GLRB: variants seen among roughly 807,000 people sequenced by gnomAD.
The protein encoded by GLRB is glycine receptor subunit beta.
GLRB carries 33 observed loss-of-function variants against 54.2 expected under a neutral mutation model. The observed-to-expected ratio is 0.61, with a 90% CI of 0.46 to 0.81. The LOEUF (loss-of-function observed/expected upper bound fraction) is 0.81. GLRB is among the 40% of genes least tolerant of loss of function. The probability of loss-of-function intolerance (pLI) is 0.00; values close to 1 mark genes in which losing one functional copy is unlikely to be tolerated. For synonymous variants in GLRB, 209 were observed against 208.2 expected (o/e 1.00, Z -0.03); for missense variants, 572 against 584.6 (o/e 0.98, Z 0.22).
chr4:157,158,781 G>A (rs986963403), intron 9 of GLRB, among the ~76,000 whole-genome samples: 2 of 152,098 alleles, frequency 1.3e-5, no homozygotes, highest in African/African-American at 4.8e-5. Flanking sequence ...CTCCAGCTTT[G>A]TTCTTTTTGC....
At chr4:157,125,884 G>T (rs937592067) in intron 4 of GLRB, among the ~76,000 whole-genome samples, 1 of 151,966 alleles carries the variant, frequency 6.6e-6, no homozygotes, top group African/African-American at 2.4e-5. Flanking sequence ...GGAGGTGGAG[G>T]TTGCAGTGAG....
chr4:157,109,909 T>A (rs935553486), intron 2 of GLRB, among the ~76,000 whole-genome samples: 1 of 152,016 alleles, frequency 6.6e-6, no homozygotes, highest in Non-Finnish European at 1.5e-5. Context: ...GTGCCCTCTC[T>A]GGGTACACCA....
chr4:157,076,529 G>T (rs1292543444), intron 1 of GLRB: 3 of 151,998 alleles, frequency 2.0e-5, no homozygotes, highest in African/African-American at 4.8e-5. Context: ...CCGCGGAGAC[G>T]CTCCGGGTGG....
At chr4:157,098,296 T>G (rs1734886992) in intron 2 of GLRB, among the ~76,000 whole-genome samples, 2 of 152,156 alleles carry the variant, frequency 1.3e-5, no homozygotes, top group South Asian at 4.1e-4. Flanking sequence ...TTATACTATA[T>G]TTATCGATTT....
chr4:157,104,897 A>G (rs1249560187), intron 2 of GLRB, among the ~76,000 whole-genome samples: 2 of 151,782 alleles, frequency 1.3e-5, no homozygotes, highest in South Asian at 2.1e-4. Context: ...CATCAGTTGT[A>G]ATGCCCCTTC....
chr4:157,093,042 C>G (rs184047787), intron 2 of GLRB, among the ~76,000 whole-genome samples: 1 of 152,254 alleles, frequency 6.6e-6, no homozygotes, highest in Admixed American at 6.5e-5. Context: ...TTAGTCATTA[C>G]CCTCTCCAGT....
At position 157,143,837 on chromosome 4, in the gene GLRB, C is replaced by A; in HGVS notation, c.782C>A (p.Thr261Asn). 6.2e-7 allele frequency: 1 copy of A among 1,613,692 alleles called. No individual in the cohort carries two copies. The highest frequency in any genetic ancestry group is 8.5e-7 in the Non-Finnish European group (1 of 1,179,932). The part of the protein sequence containing the change: ...GYYTCVEVIF[T>N]LRRQVGFYMM... ...TACACATGCGTGGAAGTCATCTTCA[C>A]CCTGAGGAGGCAGGTCGGCTTTTAC... The change falls in exon 8 of 10, where the codon ACC (threonine) becomes AAC (asparagine). Residue 261 changes from threonine (T) to asparagine (N), a missense_variant. Transcript: ENST00000264428.
chr4:157,165,714 T>C (rs928645568), intron 9 of GLRB, among the ~76,000 whole-genome samples: 2 of 152,038 alleles, frequency 1.3e-5, no homozygotes, highest in Non-Finnish European at 2.9e-5. Context: ...TGTATTCCTA[T>C]TTTTATTCAA....
rs772403728 is a variant in GLRB, at chr4:157,152,676, A to C, written c.905-42A>C. ...GAGTAATGACCCCAGAACATCTCATAGGGATAAAAAGCAACTTTCATTCCT... is the reference window on the plus strand; with the variant it reads ...GAGTAATGACCCCAGAACATCTCATCGGGATAAAAAGCAACTTTCATTCCT... On this transcript the variant is annotated intron_variant, in intron 8 of 9. Transcript: ENST00000264428. 5.3e-6 allele frequency: 8 copies of C among 1,508,554 alleles called. No homozygotes were observed. The African/African-American group carries it at 9.6e-5, about 18-fold the overall frequency. The allele number at this position is 1,508,554 out of a possible 1,614,324, so 93.4% of individuals were successfully genotyped here.
intron 2 of GLRB, among the ~76,000 whole-genome samples, chr4:157,098,616 CT>C (rs34690906): frequency 4.0e-5 from 6 of 150,560 alleles, no homozygotes; most frequent in East Asian, 2.0e-4. Context: ...CTTTTCTTTT[CT>C]TTTTTTTTGA....
intron 2 of GLRB, among the ~76,000 whole-genome samples, chr4:157,087,888 G>A (rs943226970): frequency 3.3e-5 from 5 of 151,862 alleles, no homozygotes. Flanking sequence ...ACCTGAAATA[G>A]ACATATCATT....
intron 2 of GLRB, among the ~76,000 whole-genome samples, chr4:157,086,200 C>T (rs116487538): frequency 0.012 from 1,772 of 152,280 alleles, 9 homozygotes; most frequent in Non-Finnish European, 0.017. Context: ...TATGCTTGGA[C>T]ATGTTTATGT....
chr4:157,094,804 C>T (rs900142078), intron 2 of GLRB, among the ~76,000 whole-genome samples: 15 of 152,178 alleles, frequency 9.9e-5, no homozygotes, highest in African/African-American at 4.8e-5. Flanking sequence ...TGTAAGCATC[C>T]GCTAAAACTG....
intron 4 of GLRB, among the ~76,000 whole-genome samples, chr4:157,133,046 A>G (rs1013015166): frequency 1.3e-5 from 2 of 151,922 alleles, no homozygotes; most frequent in African/African-American, 4.8e-5. Context: ...GAATTAGTAA[A>G]ATGTTAGCTT....
rs1344006346 is a variant in GLRB, at chr4:157,138,962, C to G, written c.751+13C>G. 7.8e-7 allele frequency: 1 copy of G among 1,288,666 alleles called. No homozygotes were observed. Among genetic ancestry groups the G allele is most frequent in the African/African-American group, 1.5e-5 (1 of 68,898 alleles). 79.8% of individuals were successfully genotyped at this position (1,288,666 alleles called of 1,614,324 possible). On this transcript the variant is annotated intron_variant, in intron 7 of 9. Transcript: ENST00000264428. ...TATAAAGGCACGGGTAAGTAATATT[C>G]TTTAAATAAAACGAAGTTCTATTTC...
rs549091121 is a variant in GLRB, at chr4:157,155,084, A to G, written c.1197+2074A>G. ...TGCTATGTTTTTCTTTCATCTTCAT[A>G]TATTCCAAGGTTATATCTCTTTTAT... On this transcript the variant is annotated intron_variant, in intron 9 of 9. Coordinates refer to ENST00000264428, the MANE Select transcript of GLRB (RefSeq NM_000824.5). Among the ~76,000 whole-genome samples, 100 of 152,228 alleles carry G rather than the reference A, an allele frequency of 6.6e-4. No individual in the cohort carries two copies. The South Asian group carries it at 0.011, about 17-fold the overall frequency.
intron 8 of GLRB, among the ~76,000 whole-genome samples, chr4:157,151,991 G>T (rs1737037847): frequency 6.6e-6 from 1 of 152,068 alleles, no homozygotes; most frequent in African/African-American, 2.4e-5. Context: ...TTGAAAATAC[G>T]AAGGAAAGGA....
At chr4:157,153,096 T>G in intron 9 of GLRB, 86 bp downstream of exon 9, 1 of 1,148,796 alleles carries the variant, frequency 8.7e-7, no homozygotes, top group Non-Finnish European at 1.3e-6. Context: ...TGTGACAAGT[T>G]TTGATGGAAT....
intron 9 of GLRB, among the ~76,000 whole-genome samples, chr4:157,156,730 A>T (rs758209690): frequency 3.3e-5 from 5 of 152,050 alleles, no homozygotes; most frequent in Non-Finnish European, 7.4e-5. Flanking sequence ...AATAATTTTT[A>T]TCATGAATGT....
Sources: allele counts gnomAD v4.1 joint callset (sites outside exome capture counted in the v4.1 genomes callset), GRCh38; gene constraint gnomAD v4.1.1; transcripts MANE v1.5; gene names NCBI Gene and HGNC (gene_info 2026-07-23, HGNC 2026-07-21).